Variants in SNX13 observed in about 807,000 individuals in gnomAD.
SNX13 encodes the protein sorting nexin 13, also known as sorting nexin-13.
A neutral mutation model predicts 133.6 loss-of-function variants in SNX13; 45 were observed. The ratio of observed to expected loss-of-function variants is 0.34; its 90% confidence interval spans 0.27 to 0.43. The LOEUF is 0.43. Ranked by LOEUF, SNX13 falls within the 20% of genes least tolerant of loss-of-function variation. The pLI, the probability that SNX13 is intolerant of heterozygous loss-of-function variation, is 1.00. For synonymous variants in SNX13, 414 were observed against 373.9 expected (o/e 1.11, Z -1.24); for missense variants, 1,032 against 1,145.1 (o/e 0.90, Z 1.43).
chr7:17,846,058 C>T (rs898445648), intron 11 of SNX13, among the ~76,000 whole-genome samples: 1 of 152,010 alleles, frequency 6.6e-6, no homozygotes, highest in Non-Finnish European at 1.5e-5. Context: ...ATTTTAAAAA[C>T]TCAACATTTT....
chr7:17,874,527 C>T (rs1463663165), intron 7 of SNX13, among the ~76,000 whole-genome samples: 1 of 151,780 alleles, frequency 6.6e-6, no homozygotes, highest in African/African-American at 2.4e-5. Context: ...ATAAACTGGC[C>T]ATTAAAACCT....
At chr7:17,932,266 C>A (rs1801464595) in intron 1 of SNX13, among the ~76,000 whole-genome samples, 1 of 152,118 alleles carries the variant, frequency 6.6e-6, no homozygotes, top group Admixed American at 6.5e-5. Context: ...AAGTAACAAC[C>A]TAATCAGATT....
intron 1 of SNX13, among the ~76,000 whole-genome samples, chr7:17,930,462 TATAAAG>T (rs751088180): frequency 4.6e-5 from 7 of 152,208 alleles, no homozygotes; most frequent in East Asian, 1.9e-4. Flanking sequence ...TGAATCCTAG[TATAAAG>T]ATAATCTTTC....
rs1793669953 is a variant in SNX13 at position 17,868,478 on chromosome 7, G to C, written c.766C>G (p.Arg256Gly). 7 of 1,604,692 alleles carry C rather than the reference G, an allele frequency of 4.4e-6. No individual in the cohort carries two copies. The highest frequency in any genetic ancestry group is 4.0e-5 in the African/African-American group (3 of 74,334). Residue 256 changes from arginine (R) to glycine (G), a missense_variant, in exon 9 of 26, where the codon CGA becomes GGA. Physicochemically the swap from Arg to Gly is moderately radical, Grantham distance 125. Coordinates refer to ENST00000428135, the MANE Select transcript of SNX13 (RefSeq NM_015132.5). Reference protein sequence around the residue: ...MRYFVREILARGILLPLINQL... With the variant: ...MRYFVREILAGGILLPLINQL... The stretch of plus-strand genomic sequence containing the variant: ...TTTATTAATGGAAGAAGAATTCCTC[G>C]TGCAAGGATTTCCTGAAAAAAAAGT...
At chr7:17,798,171 G>A (rs990405722) in intron 24 of SNX13, among the ~76,000 whole-genome samples, 1 of 151,732 alleles carries the variant, frequency 6.6e-6, no homozygotes, top group Non-Finnish European at 1.5e-5. Context: ...CTCAGCAATG[G>A]GCTGAGTGCT....
intron 16 of SNX13, among the ~76,000 whole-genome samples, chr7:17,827,267 G>C (rs762734424): frequency 2.0e-4 from 30 of 151,758 alleles, no homozygotes; most frequent in Non-Finnish European, 2.5e-4. Flanking sequence ...GTGGTCTTGG[G>C]GACACCGAAC....
chr7:17,834,706 T>A, intron 14 of SNX13, 55 bp downstream of exon 14: 4 of 1,223,138 alleles, frequency 3.3e-6, no homozygotes, highest in South Asian at 1.5e-5. Context: ...TTACATTACA[T>A]AAAAGTATTT....
Position 17,791,225 on chromosome 7 carries a change from CA to C in SNX13, c.*2819del, listed in dbSNP as rs1245441868. The C allele has an allele frequency of 2.0e-5, 3 of 151,796 alleles. No homozygotes were observed. Among genetic ancestry groups the C allele is most frequent in the Admixed American group, 2.0e-4 (3 of 15,212 alleles). 9.4% of individuals were successfully genotyped at this position (151,796 alleles called of 1,614,324 possible). A position where few individuals can be genotyped will look rare whatever the true frequency, so the allele number is the denominator to read the frequency against. ...ACATGCATTAAATGAAAATATTGCA[CA>C]AAATTAAAATTTTAGATTGTGAAAT... On this transcript the variant is annotated 3_prime_UTR_variant, in exon 26 of 26. Coordinates refer to ENST00000428135, the MANE Select transcript of SNX13 (RefSeq NM_015132.5).
chr7:17,917,603 C>T (rs1222908529), intron 1 of SNX13, among the ~76,000 whole-genome samples: 1 of 151,764 alleles, frequency 6.6e-6, no homozygotes, highest in African/African-American at 2.4e-5. Flanking sequence ...AAGTGAACGA[C>T]CTCTACAAAC....
chr7:17,929,355 A>G (rs1329116974), intron 1 of SNX13, among the ~76,000 whole-genome samples: 3 of 152,244 alleles, frequency 2.0e-5, no homozygotes, highest in South Asian at 4.1e-4. Flanking sequence ...TTCTATTATT[A>G]TGTGAAAAGA....
chr7:17,905,795 T>C (rs1011336787), intron 1 of SNX13, among the ~76,000 whole-genome samples: 4 of 152,186 alleles, frequency 2.6e-5, no homozygotes, highest in Non-Finnish European at 4.4e-5. Context: ...CAAGGCTATT[T>C]ACACTTTTAC....
intron 20 of SNX13, 149 bp from the exon 21 acceptor site, chr7:17,803,729 A>C (rs1392780497): frequency 2.1e-5 from 15 of 731,390 alleles, no homozygotes; most frequent in African/African-American, 3.6e-5. Flanking sequence ...AAGTACAGAA[A>C]TGTTGTCTTC....
chr7:17,887,245 A>C (rs1240504592), intron 5 of SNX13, among the ~76,000 whole-genome samples: 1 of 152,140 alleles, frequency 6.6e-6, no homozygotes, highest in East Asian at 1.9e-4. Context: ...GACATTAAAA[A>C]TTTTCTTTTC....
intron 15 of SNX13, chr7:17,830,330 A>G (rs955891115): frequency 1.0e-6 from 1 of 984,384 alleles, no homozygotes; most frequent in Non-Finnish European, 1.2e-6. Context: ...AAATGTTTTT[A>G]TTCTCATGGT....
intron 15 of SNX13, chr7:17,830,520 T>A (rs1037109329): frequency 5.1e-6 from 5 of 983,918 alleles, no homozygotes; most frequent in Non-Finnish European, 6.0e-6. Context: ...TATTAAGTCC[T>A]CTTATTCTTG....
intron 22 of SNX13, among the ~76,000 whole-genome samples, chr7:17,800,670 T>C (rs1227436335): frequency 1.3e-5 from 2 of 151,716 alleles, no homozygotes; most frequent in Non-Finnish European, 3.0e-5. Context: ...ACAACTCACA[T>C]TCAGATTACA....
At chr7:17,896,088 G>A (rs1174058470) in intron 2 of SNX13, among the ~76,000 whole-genome samples, 2 of 152,184 alleles carry the variant, frequency 1.3e-5, no homozygotes, top group African/African-American at 4.8e-5. Flanking sequence ...CAGCCATGCT[G>A]TCGCCTTAAC....
intron 9 of SNX13, among the ~76,000 whole-genome samples, chr7:17,862,745 T>TTC (rs1792872606): frequency 6.6e-6 from 1 of 152,178 alleles, no homozygotes; most frequent in Non-Finnish European, 1.5e-5. Context: ...TAACCAATGC[T>TTC]GCTATGAACG....
At chr7:17,808,820 G>A (rs948567562) in intron 20 of SNX13, among the ~76,000 whole-genome samples, 4 of 152,022 alleles carry the variant, frequency 2.6e-5, no homozygotes, top group Non-Finnish European at 4.4e-5. Flanking sequence ...TAAAAAAAAA[G>A]AATTCTCAAC....
Sources: gnomAD v4.1 joint callset for allele counts (sites outside exome capture counted in the v4.1 genomes callset) on GRCh38, gnomAD v4.1.1 for gene constraint, MANE v1.5 for transcripts, NCBI Gene and HGNC (gene_info 2026-07-23, HGNC 2026-07-21) for gene names.